Variants in SEMA5A observed in about 807,000 individuals in gnomAD.
SEMA5A encodes semaphorin-5A.
A neutral mutation model predicts 135.5 loss-of-function variants in SEMA5A; 55 were observed. The observed-to-expected ratio is 0.41, with a 90% CI of 0.33 to 0.51. SEMA5A has a LOEUF of 0.51. SEMA5A is among the 20% of genes least tolerant of loss of function. SEMA5A has a pLI of 0.37. For missense variants in SEMA5A, 1,290 were observed against 1,419.9 expected (o/e 0.91, Z 1.47); for synonymous variants, 580 against 546.5 (o/e 1.06, Z -0.85).
At chr5:9,229,461 G>T (rs945857999) in intron 6 of SEMA5A, among the ~76,000 whole-genome samples, 2 of 152,160 alleles carry the variant, frequency 1.3e-5, no homozygotes, top group Non-Finnish European at 2.9e-5. Flanking sequence ...AACTAGAGGG[G>T]TACGGGAGCC....
rs570397584 is a variant in SEMA5A at position 9,243,711 on chromosome 5, A to G, written c.271-5821T>C. Among the ~76,000 whole-genome samples, 13 of 152,252 alleles carry G rather than the reference A, an allele frequency of 8.5e-5. No homozygotes were observed. In the East Asian group the frequency reaches 2.1e-3, roughly 25 times the overall value. ...ATGTGAGAGGTACTATTATAATAAG[A>G]TTTTGGATGAGGACTTAGGGTAAAT... On this transcript the variant is annotated intron_variant, in intron 5 of 22. Coordinates refer to ENST00000382496, the MANE Select transcript of SEMA5A (RefSeq NM_003966.3).
chr5:9,449,712 G>C (rs1489170794), intron 1 of SEMA5A, among the ~76,000 whole-genome samples: 1 of 152,108 alleles, frequency 6.6e-6, no homozygotes, highest in Non-Finnish European at 1.5e-5. Flanking sequence ...AAATGCAGGG[G>C]AAATTAACCC....
chr5:9,306,493 T>C lies in SEMA5A; in HGVS notation c.270+11879A>G, dbSNP rs550012339. 1.7e-4 allele frequency among the ~76,000 whole-genome samples: 26 copies of C among 152,338 alleles called. No individual in the cohort carries two copies. In the South Asian group the frequency reaches 5.4e-3, roughly 32 times the overall value. ...TTTAAAAAATTATAGAAAATTTATTTGATTCTTTTTTATTCTAATGTTCTG... is the reference window on the plus strand; with the variant it reads ...TTTAAAAAATTATAGAAAATTTATTCGATTCTTTTTTATTCTAATGTTCTG... On this transcript the variant is annotated intron_variant, in intron 5 of 22. Transcript: ENST00000382496.
rs12234022 is a variant in SEMA5A, at chr5:9,338,190, T to C, written c.125-378A>G. 1.2e-4 allele frequency among the ~76,000 whole-genome samples: 19 copies of C among 152,342 alleles called. No homozygotes were observed. In the East Asian group the frequency reaches 3.7e-3, roughly 29 times the overall value. On this transcript the variant is annotated intron_variant, in intron 3 of 22. Coordinates refer to ENST00000382496, the MANE Select transcript of SEMA5A (RefSeq NM_003966.3). Reference sequence around the variant, plus strand: ...CCTGTGCAACTTGACTCAAAAGAGCTGCAGATTTTTAAATATTACAAAAGC... The same window carrying C: ...CCTGTGCAACTTGACTCAAAAGAGCCGCAGATTTTTAAATATTACAAAAGC...
chr5:9,251,783 A>G (rs1748803375), intron 5 of SEMA5A, among the ~76,000 whole-genome samples: 1 of 152,214 alleles, frequency 6.6e-6, no homozygotes, highest in African/African-American at 2.4e-5. Context: ...AAAGGAGCAC[A>G]TCCATGCTCA....
At chr5:9,429,372 C>T (rs2126651755) in intron 2 of SEMA5A, among the ~76,000 whole-genome samples, 1 of 152,284 alleles carries the variant, frequency 6.6e-6, no homozygotes, top group Admixed American at 6.5e-5. Context: ...TAATTATTGG[C>T]ATCTTATTAC....
chr5:9,086,496 C>T (rs570427561), intron 16 of SEMA5A, among the ~76,000 whole-genome samples: 189 of 152,242 alleles, frequency 1.2e-3, no homozygotes, highest in Non-Finnish European at 1.9e-3. Flanking sequence ...TCTTGTCTGC[C>T]GCCATTTGAG....
chr5:9,336,732 C>G (rs1449010299), intron 4 of SEMA5A, among the ~76,000 whole-genome samples: 2 of 152,106 alleles, frequency 1.3e-5, no homozygotes, highest in Non-Finnish European at 2.9e-5. Context: ...AGCAACGATC[C>G]TAGAAACTGT....
chr5:9,408,150 TCACCACCAC>T (rs559391384), intron 2 of SEMA5A, among the ~76,000 whole-genome samples: 1 of 150,616 alleles, frequency 6.6e-6, no homozygotes, highest in Non-Finnish European at 1.5e-5. Flanking sequence ...AACATCATTA[TCACCACCAC>T]CACCACCACA....
intron 16 of SEMA5A, among the ~76,000 whole-genome samples, chr5:9,069,524 T>C (rs1737659557): frequency 1.3e-5 from 2 of 152,214 alleles, no homozygotes; most frequent in Non-Finnish European, 1.5e-5. Flanking sequence ...GGGAACCTAA[T>C]ACAATCTTTA....
intron 11 of SEMA5A, among the ~76,000 whole-genome samples, chr5:9,162,587 C>CATATATAT (rs1560977459): frequency 2.6e-5 from 2 of 78,366 alleles, no homozygotes; most frequent in South Asian, 4.8e-4. Context: ...TATATATATA[C>CATATATAT]ACACACACAC....
At chr5:9,520,281 C>T (rs1440883606) in intron 1 of SEMA5A, among the ~76,000 whole-genome samples, 1 of 152,220 alleles carries the variant, frequency 6.6e-6, no homozygotes, top group Non-Finnish European at 1.5e-5. Context: ...AAGGCTCTGC[C>T]TCGTGGGACC....
chr5:9,247,767 C>CA (rs1320341253), intron 5 of SEMA5A, among the ~76,000 whole-genome samples: 1 of 151,894 alleles, frequency 6.6e-6, no homozygotes, highest in Non-Finnish European at 1.5e-5. Context: ...TTTTCAGCTA[C>CA]AAAAAAATGA....
At chr5:9,144,643 C>T (rs912169776) in intron 12 of SEMA5A, among the ~76,000 whole-genome samples, 1 of 152,188 alleles carries the variant, frequency 6.6e-6, no homozygotes, top group African/African-American at 2.4e-5. Context: ...TCTCTTCACA[C>T]TTGGCCTTGT....
chr5:9,156,002 AG>A (rs1243085355), intron 11 of SEMA5A, among the ~76,000 whole-genome samples: 2 of 152,222 alleles, frequency 1.3e-5, no homozygotes, highest in African/African-American at 4.8e-5. Flanking sequence ...CTTTTTAAAA[AG>A]GTCAATCATA....
chr5:9,464,519 T>G (rs879634165), intron 1 of SEMA5A, among the ~76,000 whole-genome samples: 5 of 152,240 alleles, frequency 3.3e-5, no homozygotes, highest in Non-Finnish European at 7.3e-5. Context: ...TAAATAATTT[T>G]AATAACATAT....
chr5:9,048,518 C>CT (rs1450800258), intron 21 of SEMA5A, among the ~76,000 whole-genome samples: 1 of 152,018 alleles, frequency 6.6e-6, no homozygotes, highest in Non-Finnish European at 1.5e-5. Context: ...AGCATCTTCA[C>CT]TTTTTTCAAC....
intron 18 of SEMA5A, among the ~76,000 whole-genome samples, chr5:9,059,256 C>CA (rs1341341390): frequency 1.3e-5 from 2 of 150,770 alleles, no homozygotes; most frequent in Non-Finnish European, 2.9e-5. Context: ...TACTTAGCAA[C>CA]AAAAAAACAT....
At chr5:9,378,466 G>A (rs982031757) in intron 3 of SEMA5A, among the ~76,000 whole-genome samples, 3 of 152,152 alleles carry the variant, frequency 2.0e-5, no homozygotes, top group South Asian at 2.1e-4. Flanking sequence ...AAGGAAATAC[G>A]CTGCACTACC....
Sources: allele counts gnomAD v4.1 joint callset (sites outside exome capture counted in the v4.1 genomes callset), GRCh38; gene constraint gnomAD v4.1.1; transcripts MANE v1.5; gene names NCBI Gene and HGNC (gene_info 2026-07-23, HGNC 2026-07-21).